The following ZFYVE9 variants were observed in gnomAD, a reference collection of about 807,000 sequenced individuals.
ZFYVE9 encodes zinc finger FYVE domain-containing protein 9.
Under a neutral mutation model 126.7 loss-of-function variants are expected in ZFYVE9, and 43 were observed. That is an observed-to-expected ratio of 0.34 (90% CI 0.27 to 0.44). ZFYVE9 has a LOEUF of 0.44. ZFYVE9 is among the 20% of genes least tolerant of loss of function. The pLI is 1.00. For synonymous variants in ZFYVE9, 521 were observed against 597.4 expected (o/e 0.87, Z 1.87); for missense variants, 1,476 against 1,697.0 (o/e 0.87, Z 2.29).
chr1:52,205,566 T>G (rs1329239253), intron 1 of ZFYVE9, among the ~76,000 whole-genome samples: 1 of 150,816 alleles, frequency 6.6e-6, no homozygotes, highest in Non-Finnish European at 1.5e-5. Flanking sequence ...AGAGACTGGG[T>G]CTCGCTATGT....
intron 12 of ZFYVE9, among the ~76,000 whole-genome samples, chr1:52,301,412 C>T (rs1467193000): frequency 2.0e-5 from 3 of 151,372 alleles, no homozygotes; most frequent in Non-Finnish European, 4.4e-5. Context: ...GGTGATCCCC[C>T]CGACCTTGGC....
chr1:52,205,157 C>G (rs1031712598), intron 1 of ZFYVE9, among the ~76,000 whole-genome samples: 15 of 151,070 alleles, frequency 9.9e-5, no homozygotes, highest in African/African-American at 1.7e-4. Flanking sequence ...TCACTGCAGC[C>G]TCGCCCTCCT....
intron 4 of ZFYVE9, among the ~76,000 whole-genome samples, chr1:52,251,126 C>T (rs1645442189): frequency 6.6e-6 from 1 of 151,916 alleles, no homozygotes; most frequent in African/African-American, 2.4e-5. Context: ...GGCTGGAGTG[C>T]AGTGGCGCGA....
intron 1 of ZFYVE9, among the ~76,000 whole-genome samples, chr1:52,150,989 C>CTTTTTT (rs57055558): frequency 2.4e-5 from 3 of 127,606 alleles, no homozygotes; most frequent in Non-Finnish European, 3.4e-5. Context: ...TGATAATTGT[C>CTTTTTT]TTTTTTTTTT....
intron 1 of ZFYVE9, among the ~76,000 whole-genome samples, chr1:52,143,286 T>C (rs574378478): frequency 2.0e-5 from 3 of 152,340 alleles, no homozygotes; most frequent in African/African-American, 7.2e-5. Context: ...ATGGGATACA[T>C]GCTAAATTTT....
chr1:52,200,439 C>T (rs1644912968), intron 1 of ZFYVE9, among the ~76,000 whole-genome samples: 2 of 152,262 alleles, frequency 1.3e-5, no homozygotes, highest in East Asian at 3.9e-4. Context: ...CTTTGGCCTC[C>T]CAAAGTGTTG....
chr1:52,274,705 C>A lies in ZFYVE9; in HGVS notation c.2746+121C>A, dbSNP rs535914777. On this transcript the variant is annotated intron_variant, in intron 8 of 18. Coordinates refer to ENST00000287727, the MANE Select transcript of ZFYVE9 (RefSeq NM_004799.4). Reference sequence around the variant, plus strand: ...TTCTCTTATCCAACAAAACAAACTCCCCCAAAACTATGAAAATGGTTGTTG... The same window carrying A: ...TTCTCTTATCCAACAAAACAAACTCACCCAAAACTATGAAAATGGTTGTTG... 25 of 1,071,752 alleles carry A rather than the reference C, an allele frequency of 2.3e-5. No homozygotes were observed. The African/African-American group carries it at 3.4e-4, about 14-fold the overall frequency. 66.4% of individuals were successfully genotyped at this position (1,071,752 alleles called of 1,614,324 possible).
intron 1 of ZFYVE9, among the ~76,000 whole-genome samples, chr1:52,213,803 A>T (rs1645048369): frequency 6.6e-6 from 1 of 152,114 alleles, no homozygotes. Context: ...AAGGTCTTCA[A>T]ACTGAAGACG....
At chr1:52,225,072 G>A (rs541801445) in intron 2 of ZFYVE9, among the ~76,000 whole-genome samples, 1 of 152,290 alleles carries the variant, frequency 6.6e-6, no homozygotes, top group South Asian at 2.1e-4. Context: ...CCAATGGCGT[G>A]TCTCACTCAC....
In ZFYVE9 at chr1:52,239,527, A is replaced by G. The variant is rs1209369498; in HGVS notation, c.2110A>G (p.Asn704Asp). Residue 704 changes from asparagine to aspartate, a missense_variant, in exon 4 of 19, where the codon AAT becomes GAT. Asn to Asp is a conservative substitution (Grantham distance 23). Around this residue, in one of 2 missense-constraint regions of ZFYVE9, gnomAD observed 669 missense variants for 902.4 expected, o/e 0.74. Coordinates refer to ENST00000287727, the MANE Select transcript of ZFYVE9 (RefSeq NM_004799.4). ...PVWVPDSQAP[N>D]CMKCEARFTF... ...ATGGGTACCGGATTCTCAGGCTCCAAATTGCATGAAATGTGAAGCCAGGTT... is the reference window on the plus strand; with the variant it reads ...ATGGGTACCGGATTCTCAGGCTCCAGATTGCATGAAATGTGAAGCCAGGTT... 6.2e-7 allele frequency: 1 copy of G among 1,613,976 alleles called. No homozygotes were observed. The highest frequency in any genetic ancestry group is 1.7e-5 in the Admixed American group (1 of 59,992).
rs376818411 is a variant in ZFYVE9, at chr1:52,239,455, A to G, written c.2038A>G (p.Ile680Val). ...TGATCTCAGAGCTGGTCAGTTTGGA[A>G]TTTCTGCCAGAAAGCCATTCACCAC... ...DNDLRAGQFG[I>V]SARKPFTTLG... Residue 680 changes from isoleucine to valine, a missense_variant, in exon 4 of 19, where the codon ATT becomes GTT. This residue lies in a region of ZFYVE9 where 807 missense variants were observed against 794.6 expected (regional missense o/e 1.02). Coordinates refer to ENST00000287727, the MANE Select transcript of ZFYVE9 (RefSeq NM_004799.4). The G allele has an allele frequency of 6.2e-7, 1 of 1,614,136 alleles. No homozygotes were observed.
intron 4 of ZFYVE9, among the ~76,000 whole-genome samples, chr1:52,246,173 A>G (rs1486464587): frequency 1.3e-5 from 2 of 152,170 alleles, no homozygotes; most frequent in Non-Finnish European, 2.9e-5. Context: ...CTACTGATAC[A>G]TCAGCCTTGG....
chr1:52,243,753 C>T (rs905523485), intron 4 of ZFYVE9, among the ~76,000 whole-genome samples: 1 of 151,666 alleles, frequency 6.6e-6, no homozygotes, highest in East Asian at 1.9e-4. Context: ...AGCTGAGACC[C>T]CATCTCCACT....
chr1:52,199,635 A>G (rs774564419), intron 1 of ZFYVE9, among the ~76,000 whole-genome samples: 9 of 152,352 alleles, frequency 5.9e-5, no homozygotes, highest in African/African-American at 7.2e-5. Context: ...TAAAGCTGCT[A>G]TAAACATCTA....
intron 12 of ZFYVE9, among the ~76,000 whole-genome samples, chr1:52,298,007 T>G (rs867558915): frequency 6.6e-6 from 1 of 152,200 alleles, no homozygotes; most frequent in South Asian, 2.1e-4. Flanking sequence ...AATTGGGTTG[T>G]CTTTTTGCTG....
intron 8 of ZFYVE9, among the ~76,000 whole-genome samples, chr1:52,275,177 T>C (rs985854412): frequency 6.6e-6 from 1 of 152,188 alleles, no homozygotes; most frequent in Non-Finnish European, 1.5e-5. Context: ...GAGGTTTGGG[T>C]TATGATTGAT....
At chr1:52,204,774 A>G (rs1481372179) in intron 1 of ZFYVE9, among the ~76,000 whole-genome samples, 1 of 152,206 alleles carries the variant, frequency 6.6e-6, no homozygotes, top group Non-Finnish European at 1.5e-5. Context: ...GCTTATTTCA[A>G]AATGGTTCCC....
In ZFYVE9 at chr1:52,239,445, T is replaced by C; in HGVS notation, c.2028T>C (p.Gly676=). The part of the protein sequence containing the change: ...PDSPDNDLRA[G]QFGISARKPF... ...GCCCAGATAATGATCTCAGAGCTGG[T>C]CAGTTTGGAATTTCTGCCAGAAAGC... Residue 676 remains glycine, a synonymous_variant, in exon 4 of 19, where the codon GGT becomes GGC. Transcript: ENST00000287727. The C allele has an allele frequency of 6.2e-7, 1 of 1,614,124 alleles. No individual in the cohort carries two copies. The highest frequency in any genetic ancestry group is 8.5e-7 in the Non-Finnish European group (1 of 1,179,996).
intron 1 of ZFYVE9, among the ~76,000 whole-genome samples, chr1:52,207,891 A>G (rs1420157328): frequency 6.6e-6 from 1 of 152,248 alleles, no homozygotes; most frequent in Non-Finnish European, 1.5e-5. Flanking sequence ...GTTACATATC[A>G]GGTCTGTGCA....
Sources: allele counts gnomAD v4.1 joint callset (sites outside exome capture counted in the v4.1 genomes callset), GRCh38; gene constraint gnomAD v4.1.1; regional missense constraint gnomAD v4.1.1; transcripts MANE v1.5; gene names NCBI Gene and HGNC (gene_info 2026-07-23, HGNC 2026-07-21).